Variants in AOPEP observed in about 807,000 individuals in gnomAD.
The protein encoded by AOPEP is aminopeptidase O.
In AOPEP, 77 loss-of-function variants were observed where a neutral mutation model predicts 98.1. That is an observed-to-expected ratio of 0.78 (90% CI 0.65 to 0.95). The LOEUF (loss-of-function observed/expected upper bound fraction) is 0.95, where lower values mean the gene tolerates loss of function less well. Among genes scored for constraint, AOPEP ranks in the 40% least tolerant of loss-of-function variants. The pLI is 0.00. For synonymous variants in AOPEP, 346 were observed against 365.3 expected, an observed-to-expected ratio of 0.95 and a Z score of 0.60; for missense variants, 1,024 against 1,024.7, an observed-to-expected ratio of 1.00 and a Z score of 0.01.
chr9:94,840,252 G>A (rs1477670881), intron 5 of AOPEP, among the ~76,000 whole-genome samples: 1 of 152,130 alleles, frequency 6.6e-6, no homozygotes, highest in Admixed American at 6.5e-5. Flanking sequence ...TAATTGACAG[G>A]ATCTATGATT....
chr9:94,770,388 A>T (rs745356911), intron 2 of AOPEP, among the ~76,000 whole-genome samples: 20 of 152,178 alleles, frequency 1.3e-4, no homozygotes, highest in Non-Finnish European at 1.9e-4. Context: ...GAGGCTCGGG[A>T]ATCTAGGAGC....
At chr9:95,109,307 A>G in the AOPEP span, among the ~76,000 whole-genome samples, 1 of 152,210 alleles carries the variant, frequency 6.6e-6, no homozygotes, top group Admixed American at 6.5e-5. Flanking sequence ...TTGAAAGTTC[A>G]GGCCATTTCC....
chr9:94,985,908 A>G (rs1160478154), intron 11 of AOPEP, among the ~76,000 whole-genome samples: 1 of 152,210 alleles, frequency 6.6e-6, no homozygotes, highest in African/African-American at 2.4e-5. Context: ...CCCCCTCCAT[A>G]GGCTCTTCAA....
chr9:94,779,969 C>T (rs929641225), intron 3 of AOPEP, among the ~76,000 whole-genome samples: 4 of 152,208 alleles, frequency 2.6e-5, no homozygotes, highest in African/African-American at 9.6e-5. Context: ...CTACACGTCC[C>T]CATGCAATCA....
intron 2 of AOPEP, among the ~76,000 whole-genome samples, chr9:94,766,492 G>A (rs909026727): frequency 7.2e-5 from 11 of 152,194 alleles, no homozygotes; most frequent in Non-Finnish European, 1.6e-4. Context: ...AGCTGAGATC[G>A]CGCCACTGCA....
chr9:95,017,578 A>G (rs2063115598), intron 13 of AOPEP, among the ~76,000 whole-genome samples: 1 of 152,196 alleles, frequency 6.6e-6, no homozygotes, highest in South Asian at 2.1e-4. Flanking sequence ...AAAGGTAAAG[A>G]TTGCTGAGTG....
At chr9:94,863,246 C>G (rs1228477516) in intron 5 of AOPEP, among the ~76,000 whole-genome samples, 1 of 151,326 alleles carries the variant, frequency 6.6e-6, no homozygotes, top group Non-Finnish European at 1.5e-5. Flanking sequence ...CCTCCCCTCT[C>G]CTCTCTCTGT....
intron 13 of AOPEP, chr9:95,006,114 C>T (rs1450492888): frequency 6.4e-6 from 3 of 471,000 alleles, no homozygotes. Flanking sequence ...TTTGTTTGCC[C>T]AAGTTTAGAA....
chr9:94,955,987 C>A lies in AOPEP; in HGVS notation c.1844C>A (p.Thr615Lys). ...TCATTTTTAAGAAAATTTGTGCACA[C>A]ATTTCATGGACAGCTGATTCTTTCC... ...YFSFLRKFVHTFHGQLILSQD... is the reference protein window; with the variant it reads ...YFSFLRKFVHKFHGQLILSQD... The change falls in exon 9 of 17, where the codon ACA (threonine) becomes AAA (lysine). Residue 615 changes from threonine to lysine, a missense_variant. Coordinates refer to ENST00000375315, the MANE Select transcript of AOPEP (RefSeq NM_001193329.3). The A allele has an allele frequency of 6.2e-7, 1 of 1,612,782 alleles. No individual in the cohort carries two copies. The highest frequency in any genetic ancestry group is 1.3e-5 in the African/African-American group (1 of 74,980).
At chr9:94,857,760 G>A (rs7025934) in intron 5 of AOPEP, among the ~76,000 whole-genome samples, 128,476 of 152,176 alleles carry the variant, frequency 0.84, 55,934 homozygotes, top group Non-Finnish European at 0.94. Context: ...TTCATGGAAT[G>A]TGATTATTTA....
chr9:95,018,722 T>C (rs917607384), intron 13 of AOPEP, among the ~76,000 whole-genome samples: 5 of 152,244 alleles, frequency 3.3e-5, no homozygotes, highest in African/African-American at 7.2e-5. Context: ...TCTCTCTGCC[T>C]CTTGGCTGCA....
At chr9:94,919,425 C>T (rs747038722) in intron 5 of AOPEP, among the ~76,000 whole-genome samples, 34 of 152,114 alleles carry the variant, frequency 2.2e-4, no homozygotes, top group Non-Finnish European at 3.8e-4. Flanking sequence ...TTCCCTCCCA[C>T]GCAGTCTCAG....
chr9:95,134,595 C>T, the AOPEP span, among the ~76,000 whole-genome samples: 1 of 152,220 alleles, frequency 6.6e-6, no homozygotes, highest in Non-Finnish European at 1.5e-5. Flanking sequence ...ACAGAGGCTG[C>T]GGGACCATGG....
At chr9:94,882,039 C>T (rs906960872) in intron 5 of AOPEP, among the ~76,000 whole-genome samples, 4 of 152,166 alleles carry the variant, frequency 2.6e-5, no homozygotes, top group Non-Finnish European at 5.9e-5. Flanking sequence ...AGGACTTCCC[C>T]TTGGGCTAGG....
chr9:94,848,558 G>A (rs1218502879), intron 5 of AOPEP, among the ~76,000 whole-genome samples: 1 of 151,190 alleles, frequency 6.6e-6, no homozygotes, highest in Non-Finnish European at 1.5e-5. Context: ...GGAGGCAGAA[G>A]TTGCAGTGAG....
chr9:94,886,704 C>A (rs1257078542), intron 5 of AOPEP, among the ~76,000 whole-genome samples: 2 of 152,120 alleles, frequency 1.3e-5, no homozygotes, highest in African/African-American at 4.8e-5. Flanking sequence ...TGTTGTGGAA[C>A]AGTGCAGTCA....
At chr9:95,028,483 T>C (rs2133319413) in intron 13 of AOPEP, among the ~76,000 whole-genome samples, 1 of 152,332 alleles carries the variant, frequency 6.6e-6, no homozygotes, top group South Asian at 2.1e-4. Flanking sequence ...AAAACTGGTG[T>C]CTAATATTTG....
intron 9 of AOPEP, among the ~76,000 whole-genome samples, chr9:94,961,211 GAA>G (rs1391222379): frequency 6.6e-6 from 1 of 152,096 alleles, no homozygotes; most frequent in African/African-American, 2.4e-5. Flanking sequence ...TTAGATGACA[GAA>G]GAATTCTTTC....
intron 5 of AOPEP, among the ~76,000 whole-genome samples, chr9:94,870,958 C>T (rs1244875840): frequency 2.0e-5 from 3 of 152,152 alleles, no homozygotes; most frequent in Non-Finnish European, 4.4e-5. Flanking sequence ...GGCCATTGTC[C>T]GCTCCCTCAG....
Sources: gnomAD v4.1 joint callset for allele counts (sites outside exome capture counted in the v4.1 genomes callset) on GRCh38, gnomAD v4.1.1 for gene constraint, MANE v1.5 for transcripts, NCBI Gene and HGNC (gene_info 2026-07-23, HGNC 2026-07-21) for gene names.